The following GRIK1 variants were observed in gnomAD, a reference collection of about 807,000 sequenced individuals.
GRIK1 encodes glutamate receptor ionotropic, kainate 1.
GRIK1 carries 69 observed loss-of-function variants against 105.7 expected under a neutral mutation model. The observed-to-expected ratio is 0.65, with a 90% CI of 0.54 to 0.80. GRIK1 has a LOEUF of 0.80. Among genes scored for constraint, GRIK1 ranks in the 30% least tolerant of loss-of-function variants. The pLI, the probability that GRIK1 is intolerant of heterozygous loss-of-function variation, is 0.00. For missense variants in GRIK1, 1,109 were observed against 1,167.3 expected (o/e 0.95, Z 0.73); for synonymous variants, 438 against 431.3 (o/e 1.02, Z -0.19).
At chr21:29,838,243 A>G (rs1430956854) in intron 1 of GRIK1, among the ~76,000 whole-genome samples, 2 of 152,200 alleles carry the variant, frequency 1.3e-5, no homozygotes, top group Non-Finnish European at 2.9e-5. Flanking sequence ...CTGGAAGTCA[A>G]AGTTCTAACC....
chr21:29,847,120 C>A (rs899748656), intron 1 of GRIK1, among the ~76,000 whole-genome samples: 2 of 151,992 alleles, frequency 1.3e-5, no homozygotes, highest in East Asian at 3.9e-4. Context: ...AACCATTTTC[C>A]TCTTCTTTAT....
intron 7 of GRIK1, among the ~76,000 whole-genome samples, chr21:29,616,728 T>C (rs566035819): frequency 2.3e-4 from 35 of 152,342 alleles, no homozygotes; most frequent in African/African-American, 8.2e-4. Context: ...AATTAGACTA[T>C]GGTTATTTGA....
chr21:29,579,840 A>G (rs550757603), intron 13 of GRIK1, among the ~76,000 whole-genome samples: 1 of 152,078 alleles, frequency 6.6e-6, no homozygotes, highest in African/African-American at 2.4e-5. Context: ...CCAAACAGGT[A>G]AAAGATGAAA....
chr21:29,587,638 A>T (rs2091159410), intron 11 of GRIK1, 49 bp from the exon 12 acceptor site: 1 of 1,063,708 alleles, frequency 9.4e-7, no homozygotes, highest in Non-Finnish European at 1.4e-6. Context: ...TTCTTTGCAA[A>T]TGTCTAGACT....
intron 16 of GRIK1, among the ~76,000 whole-genome samples, chr21:29,552,974 T>C (rs575465807): frequency 1.3e-5 from 2 of 152,218 alleles, no homozygotes; most frequent in African/African-American, 4.8e-5. Flanking sequence ...GGTTTTTAAA[T>C]CTTTAAATGC....
At chr21:29,595,646 C>A (rs891767314) in intron 9 of GRIK1, among the ~76,000 whole-genome samples, 1 of 151,878 alleles carries the variant, frequency 6.6e-6, no homozygotes, top group African/African-American at 2.4e-5. Context: ...TCAAGTTGAA[C>A]AACCTGAAGC....
At chr21:29,719,081 C>CATATATAT (rs71335089) in intron 1 of GRIK1, among the ~76,000 whole-genome samples, 13,758 of 143,080 alleles carry the variant, frequency 0.096, 720 homozygotes, top group East Asian at 0.15. Flanking sequence ...TGTGTATATA[C>CATATATAT]ATATATATAT....
intron 1 of GRIK1, among the ~76,000 whole-genome samples, chr21:29,744,749 A>T (rs2065009448): frequency 1.3e-5 from 2 of 152,198 alleles, no homozygotes; most frequent in Non-Finnish European, 2.9e-5. Flanking sequence ...AGGACAGCAT[A>T]GGACATTTTG....
chr21:29,794,590 A>G (rs576730477), intron 1 of GRIK1, among the ~76,000 whole-genome samples: 3 of 152,232 alleles, frequency 2.0e-5, no homozygotes, highest in Non-Finnish European at 4.4e-5. Context: ...TAACCAGTAC[A>G]TGGGACCTGC....
At chr21:29,676,052 A>C (rs192559439) in intron 3 of GRIK1, among the ~76,000 whole-genome samples, 200 of 152,230 alleles carry the variant, frequency 1.3e-3, no homozygotes, top group African/African-American at 4.5e-3. Context: ...ATAAACACAC[A>C]CCCCCAAATA....
intron 1 of GRIK1, among the ~76,000 whole-genome samples, chr21:29,891,938 A>G (rs1270198746): frequency 6.6e-6 from 1 of 152,246 alleles, no homozygotes; most frequent in East Asian, 1.9e-4. Flanking sequence ...GTTATACAGC[A>G]GTGTCTACAT....
At chr21:29,727,848 A>G (rs746740149) in intron 1 of GRIK1, among the ~76,000 whole-genome samples, 5 of 152,142 alleles carry the variant, frequency 3.3e-5, no homozygotes, top group Non-Finnish European at 7.4e-5. Context: ...TCATCTGCCC[A>G]TAATCTGATT....
At chr21:29,821,670 T>A (rs967665702) in intron 1 of GRIK1, among the ~76,000 whole-genome samples, 1 of 152,082 alleles carries the variant, frequency 6.6e-6, no homozygotes, top group African/African-American at 2.4e-5. Flanking sequence ...GTATAGTATG[T>A]ACAAGAGTTA....
chr21:29,789,102 G>A (rs1050527856), intron 1 of GRIK1, among the ~76,000 whole-genome samples: 4 of 152,138 alleles, frequency 2.6e-5, no homozygotes, highest in African/African-American at 9.7e-5. Context: ...TGAGACCTGT[G>A]CTCCTTAATA....
At chr21:29,582,308 T>C (rs1021619052) in intron 12 of GRIK1, 1 of 467,766 alleles carries the variant, frequency 2.1e-6, no homozygotes, top group East Asian at 6.9e-5. Flanking sequence ...AAATTTGTTT[T>C]CAGAACCATG....
intron 14 of GRIK1, among the ~76,000 whole-genome samples, chr21:29,562,168 A>C (rs1568819176): frequency 6.6e-6 from 1 of 151,582 alleles, no homozygotes; most frequent in African/African-American, 2.4e-5. Flanking sequence ...CAATCACTCA[A>C]CTCCAGCAGG....
intron 1 of GRIK1, among the ~76,000 whole-genome samples, chr21:29,696,116 G>A (rs2063697486): frequency 6.6e-6 from 1 of 152,206 alleles, no homozygotes; most frequent in Non-Finnish European, 1.5e-5. Context: ...TAACTACAGT[G>A]TTGGGTTGTG....
At chr21:29,690,833 A>G (rs1393226796) in intron 2 of GRIK1, among the ~76,000 whole-genome samples, 1 of 152,250 alleles carries the variant, frequency 6.6e-6, no homozygotes, top group Non-Finnish European at 1.5e-5. Context: ...GATTCATCCT[A>G]TCATTTTGGA....
At chr21:29,854,752 A>G (rs2068412940) in intron 1 of GRIK1, among the ~76,000 whole-genome samples, 1 of 152,146 alleles carries the variant, frequency 6.6e-6, no homozygotes, top group South Asian at 2.1e-4. Flanking sequence ...CCGGGGAGTG[A>G]TGTCATTCGT....
Sources: gnomAD v4.1 joint callset for allele counts (sites outside exome capture counted in the v4.1 genomes callset) on GRCh38, gnomAD v4.1.1 for gene constraint, MANE v1.5 for transcripts, NCBI Gene and HGNC (gene_info 2026-07-23, HGNC 2026-07-21) for gene names.